CA5A: variants seen among roughly 807,000 people sequenced by gnomAD.
CA5A encodes carbonic anhydrase 5A, mitochondrial.
A neutral mutation model predicts 37.1 loss-of-function variants in CA5A; 28 were observed. That is an observed-to-expected ratio of 0.75 (90% CI 0.56 to 1.03). The LOEUF (loss-of-function observed/expected upper bound fraction) is 1.03, where lower values mean the gene tolerates loss of function less well. Ranked by LOEUF, CA5A falls within the 50% of genes least tolerant of loss-of-function variation. The pLI is 0.00. For missense variants in CA5A, 444 were observed against 399.9 expected, an observed-to-expected ratio of 1.11 and a Z score of -0.94; for synonymous variants, 171 against 158.4, an observed-to-expected ratio of 1.08 and a Z score of -0.60.
Position 87,924,180 on chromosome 16 carries a change from C to G in CA5A, c.340+2568G>C. ...CTTCTCCGAGCTGGTCTTGTCCTTC[C>G]AAGAAGTTGCACTTTGCTTACGTTG... On this transcript the variant is annotated intron_variant, in intron 2 of 6. Coordinates refer to ENST00000649794, the MANE Select transcript of CA5A (RefSeq NM_001739.2). The G allele has an allele frequency of 3.0e-6, 3 of 985,436 alleles. No individual in the cohort carries two copies. The South Asian group carries it at 1.4e-4, about 46-fold the overall frequency. 61.0% of individuals were successfully genotyped at this position (985,436 alleles called of 1,614,324 possible).
At chr16:87,886,746 C>T (rs2055651636), downstream of CA5A, 1 of 152,050 alleles carries the variant, frequency 6.6e-6, no homozygotes, top group African/African-American at 2.4e-5. Flanking sequence ...TCCAAATGAT[C>T]CAAAACTATT....
chr16:87,936,170 T>TA (rs2056467698), intron 1 of CA5A, 139 bp downstream of exon 1: 1 of 562,372 alleles, frequency 1.8e-6, no homozygotes, highest in Non-Finnish European at 3.0e-6. Flanking sequence ...AGACGCCATC[T>TA]TAAAAAAAAA....
At chr16:87,891,975 G>T (rs576786755) in intron 5 of CA5A, 21 bp from the exon 6 acceptor site, 4 of 1,516,708 alleles carry the variant, frequency 2.6e-6, no homozygotes, top group Non-Finnish European at 3.5e-6. Context: ...GAGAAGCACA[G>T]GACGTGTCAG....
At chr16:87,925,331 C>T (rs908388377) in intron 2 of CA5A, among the ~76,000 whole-genome samples, 1 of 152,146 alleles carries the variant, frequency 6.6e-6, no homozygotes, top group African/African-American at 2.4e-5. Context: ...GTCCGGAGGG[C>T]CCCAGGCAGG....
At chr16:87,929,645 G>A (rs2056369092) in intron 1 of CA5A, among the ~76,000 whole-genome samples, 1 of 151,768 alleles carries the variant, frequency 6.6e-6, no homozygotes, top group East Asian at 1.9e-4. Context: ...GGCCGAGGTG[G>A]GCGGATCACG....
intron 2 of CA5A, among the ~76,000 whole-genome samples, chr16:87,924,565 G>C (rs2056275930): frequency 6.6e-6 from 1 of 152,234 alleles, no homozygotes; most frequent in Admixed American, 6.5e-5. Context: ...CACCGTGCCT[G>C]CTCACTGAGG....
chr16:87,898,660 T>A (rs1261915602), intron 5 of CA5A, among the ~76,000 whole-genome samples: 1 of 151,936 alleles, frequency 6.6e-6, no homozygotes, highest in African/African-American at 2.4e-5. Context: ...TAAACTCAAC[T>A]GCACATTTCA....
Position 87,891,870 on chromosome 16 carries a change from T to C in CA5A, c.703A>G (p.Thr235Ala). The C allele has an allele frequency of 1.3e-6, 2 of 1,574,580 alleles. No individual in the cohort carries two copies. Among genetic ancestry groups the C allele is most frequent in the Non-Finnish European group, 1.7e-6 (2 of 1,162,562 alleles). The change falls in exon 6 of 7, where the codon ACC becomes GCC. Residue 235 changes from threonine (T) to alanine (A), a missense_variant. Coordinates refer to ENST00000649794, the MANE Select transcript of CA5A (RefSeq NM_001739.2). Reference sequence around the variant, plus strand: ...ACCGACTCGGTCAGCGGCGGGGTGGTGAGCGAGCCCGCGTAGGTCCAGTAA... The same window carrying C: ...ACCGACTCGGTCAGCGGCGGGGTGGCGAGCGAGCCCGCGTAGGTCCAGTAA... ...WDYWTYAGSLTTPPLTESVTW... is the reference protein window; with the variant it reads ...WDYWTYAGSLATPPLTESVTW...
chr16:87,933,574 G>C (rs1286225475), intron 1 of CA5A, among the ~76,000 whole-genome samples: 10 of 151,390 alleles, frequency 6.6e-5, no homozygotes, highest in Non-Finnish European at 1.0e-4. Flanking sequence ...TTAGAGATGG[G>C]TTCTTGCTAT....
intron 1 of CA5A, among the ~76,000 whole-genome samples, chr16:87,932,979 G>GC (rs1045747279): frequency 6.6e-6 from 1 of 152,344 alleles, no homozygotes; most frequent in East Asian, 1.9e-4. Flanking sequence ...CCCTGTGAGT[G>GC]CCTGCCCTCC....
intron 2 of CA5A, chr16:87,924,215 G>A (rs141423078): frequency 1.0e-6 from 1 of 985,332 alleles, no homozygotes; most frequent in Non-Finnish European, 1.2e-6. Flanking sequence ...GGCTGGAGTT[G>A]GGGTTACTGC....
chr16:87,921,872 A>AT (rs67040230), intron 2 of CA5A, among the ~76,000 whole-genome samples: 39,041 of 121,138 alleles, frequency 0.32, 5,336 homozygotes, highest in South Asian at 0.55. Flanking sequence ...TATTATTATT[A>AT]TTATTATTTT....
chr16:87,907,354 GT>G (rs1180807704), intron 2 of CA5A, among the ~76,000 whole-genome samples: 1 of 152,194 alleles, frequency 6.6e-6, no homozygotes, highest in Non-Finnish European at 1.5e-5. Context: ...GGGAAAGGGG[GT>G]TTGCAGCCGA....
At chr16:87,908,989 A>ATTTTTTTTTTTTTTTTTT (rs60201296) in intron 2 of CA5A, among the ~76,000 whole-genome samples, 2 of 139,360 alleles carry the variant, frequency 1.4e-5, no homozygotes, top group African/African-American at 5.4e-5. Context: ...ACACCCGGCT[A>ATTTTTTTTTTTTTTTTTT]TTTTTTTTTT....
chr16:87,918,613 A>G (rs2056188275), intron 2 of CA5A, among the ~76,000 whole-genome samples: 1 of 152,196 alleles, frequency 6.6e-6, no homozygotes, highest in Non-Finnish European at 1.5e-5. Flanking sequence ...CTGCCACGGC[A>G]TGGCCCAGGC....
intron 2 of CA5A, among the ~76,000 whole-genome samples, chr16:87,914,409 A>G (rs12926841): frequency 0.16 from 25,065 of 152,180 alleles, 2,380 homozygotes; most frequent in African/African-American, 0.26. Flanking sequence ...CAAAACACTC[A>G]GGGGGTGCTA....
At chr16:87,925,773 G>C (rs1406051073) in intron 2 of CA5A, 1 of 152,216 alleles carries the variant, frequency 6.6e-6, no homozygotes, top group African/African-American at 2.4e-5. Flanking sequence ...TAAGGGCTTG[G>C]TGGCTTTCAG....
At chr16:87,916,896 A>G (rs2056152048) in intron 2 of CA5A, among the ~76,000 whole-genome samples, 1 of 152,092 alleles carries the variant, frequency 6.6e-6, no homozygotes, top group African/African-American at 2.4e-5. Flanking sequence ...AGGTCAGGAG[A>G]TCGAGGCCAT....
At chr16:87,921,735 A>G (rs1178316145) in intron 2 of CA5A, among the ~76,000 whole-genome samples, 1 of 152,186 alleles carries the variant, frequency 6.6e-6, no homozygotes, top group East Asian at 1.9e-4. Context: ...GCCCTTACAA[A>G]GCCACGGACT....
Sources: gnomAD v4.1 joint callset for allele counts (sites outside exome capture counted in the v4.1 genomes callset) on GRCh38, gnomAD v4.1.1 for gene constraint, MANE v1.5 for transcripts, NCBI Gene and HGNC (gene_info 2026-07-23, HGNC 2026-07-21) for gene names.